The following CNTNAP2 variants were observed in gnomAD, a reference collection of about 807,000 sequenced individuals.
The protein encoded by CNTNAP2 is contactin-associated protein-like 2.
CNTNAP2 carries 98 observed loss-of-function variants against 155.2 expected under a neutral mutation model. The ratio of observed to expected loss-of-function variants is 0.63; its 90% confidence interval spans 0.54 to 0.75. The LOEUF is 0.75. CNTNAP2 is among the 30% of genes least tolerant of loss of function. The pLI, the probability that CNTNAP2 is intolerant of heterozygous loss-of-function variation, is 0.00. For synonymous variants in CNTNAP2, 651 were observed against 631.2 expected (o/e 1.03, Z -0.47); for missense variants, 1,727 against 1,688.1 (o/e 1.02, Z -0.40).
At chr7:147,501,857 A>G (rs1798819880) in intron 11 of CNTNAP2, among the ~76,000 whole-genome samples, 1 of 152,226 alleles carries the variant, frequency 6.6e-6, no homozygotes, top group Admixed American at 6.5e-5. Context: ...ATTAGAATTA[A>G]CAAGCAAATT....
chr7:146,543,433 G>A (rs1054748810), intron 1 of CNTNAP2, among the ~76,000 whole-genome samples: 3 of 151,686 alleles, frequency 2.0e-5, no homozygotes, highest in African/African-American at 7.3e-5. Context: ...CCTCCCATAA[G>A]TAAGGATTGT....
intron 9 of CNTNAP2, among the ~76,000 whole-genome samples, chr7:147,338,594 C>A (rs1459007551): frequency 6.6e-6 from 1 of 152,024 alleles, no homozygotes. Context: ...CACCATACTC[C>A]TTTTCAAATT....
intron 11 of CNTNAP2, among the ~76,000 whole-genome samples, chr7:147,508,963 T>C (rs1206713680): frequency 6.6e-6 from 1 of 152,210 alleles, no homozygotes; most frequent in African/African-American, 2.4e-5. Flanking sequence ...TTAATAAATC[T>C]CCAAAGTTGT....
intron 1 of CNTNAP2, among the ~76,000 whole-genome samples, chr7:146,586,576 G>A (rs1378400288): frequency 6.6e-6 from 1 of 151,218 alleles, no homozygotes. Flanking sequence ...GTTTGTTAGG[G>A]TTCACCAAAG....
chr7:148,418,019 T>A lies in CNTNAP2; in HGVS notation c.*2403T>A, dbSNP rs1800033342. 6.6e-6 allele frequency: 1 copy of A among 152,140 alleles called. No homozygotes were observed. The highest frequency in any genetic ancestry group is 2.4e-5 in the African/African-American group (1 of 41,422). The allele number at this position is 152,140 out of a possible 1,614,324, so 9.4% of individuals were successfully genotyped here. On this transcript the variant is annotated 3_prime_UTR_variant, in exon 24 of 24. Coordinates refer to ENST00000361727, the MANE Select transcript of CNTNAP2 (RefSeq NM_014141.6). The stretch of plus-strand genomic sequence containing the variant: ...CCATATCACCATCAATTAAGACATA[T>A]AGGACACTGTCTTCCTTCAAGAGGG...
chr7:147,158,329 G>A (rs955513310), intron 8 of CNTNAP2, among the ~76,000 whole-genome samples: 1 of 151,904 alleles, frequency 6.6e-6, no homozygotes, highest in African/African-American at 2.4e-5. Context: ...CACCTTTAAT[G>A]TTTTTATAAA....
intron 14 of CNTNAP2, among the ~76,000 whole-genome samples, chr7:147,957,028 C>T (rs1270686923): frequency 6.6e-6 from 1 of 152,174 alleles, no homozygotes; most frequent in Non-Finnish European, 1.5e-5. Flanking sequence ...GGTAAAATAA[C>T]ATCTGGCATT....
intron 1 of CNTNAP2, among the ~76,000 whole-genome samples, chr7:146,229,747 C>A (rs1799354739): frequency 6.6e-6 from 1 of 151,678 alleles, no homozygotes; most frequent in Non-Finnish European, 1.5e-5. Flanking sequence ...TTAAAAAAAT[C>A]TCAATTTAGA....
intron 10 of CNTNAP2, among the ~76,000 whole-genome samples, chr7:147,452,743 T>C (rs1475048062): frequency 6.6e-6 from 1 of 152,132 alleles, no homozygotes; most frequent in Admixed American, 6.6e-5. Context: ...TGCTAGATTA[T>C]GGTGGGGATC....
intron 1 of CNTNAP2, among the ~76,000 whole-genome samples, chr7:146,259,583 A>G (rs1348654617): frequency 6.6e-6 from 1 of 152,124 alleles, no homozygotes; most frequent in East Asian, 1.9e-4. Context: ...CCTGCCCTAG[A>G]GCTCTGTGGA....
intron 15 of CNTNAP2, among the ~76,000 whole-genome samples, chr7:148,073,248 G>A (rs1803415765): frequency 6.6e-6 from 1 of 152,180 alleles, no homozygotes; most frequent in Non-Finnish European, 1.5e-5. Flanking sequence ...TGTGTCACCT[G>A]AGAGATAGCC....
At chr7:146,919,041 T>C (rs949761018) in intron 3 of CNTNAP2, among the ~76,000 whole-genome samples, 1 of 152,196 alleles carries the variant, frequency 6.6e-6, no homozygotes, top group Non-Finnish European at 1.5e-5. Context: ...TGTGATTATA[T>C]TTTATTTTTT....
intron 1 of CNTNAP2, among the ~76,000 whole-genome samples, chr7:146,773,593 C>T (rs1312903160): frequency 6.6e-6 from 1 of 152,144 alleles, no homozygotes; most frequent in East Asian, 1.9e-4. Context: ...TGGGGTTTCT[C>T]CTGTTGGTCA....
chr7:146,740,301 T>A (rs1032885056), intron 1 of CNTNAP2, among the ~76,000 whole-genome samples: 23 of 151,724 alleles, frequency 1.5e-4, no homozygotes, highest in African/African-American at 2.9e-4. Context: ...TTTTTTTTTT[T>A]AATTTAATCC....
At chr7:146,904,039 A>G (rs1796063881) in intron 3 of CNTNAP2, among the ~76,000 whole-genome samples, 1 of 152,234 alleles carries the variant, frequency 6.6e-6, no homozygotes, top group Admixed American at 6.5e-5. Context: ...TATAAATTAG[A>G]TAACGTTAAT....
At chr7:147,898,532 C>CTT (rs34610190) in intron 13 of CNTNAP2, among the ~76,000 whole-genome samples, 66 of 150,376 alleles carry the variant, frequency 4.4e-4, no homozygotes, top group African/African-American at 1.2e-3. Context: ...ATTTTTTTTT[C>CTT]TTTTTTTTTG....
intron 1 of CNTNAP2, among the ~76,000 whole-genome samples, chr7:146,529,526 C>T (rs1013572898): frequency 2.0e-5 from 3 of 151,960 alleles, no homozygotes; most frequent in East Asian, 3.9e-4. Flanking sequence ...AACAAGCGAT[C>T]GGGAGAAAGA....
intron 8 of CNTNAP2, among the ~76,000 whole-genome samples, chr7:147,178,722 T>C (rs1802398119): frequency 1.3e-5 from 2 of 152,208 alleles, no homozygotes; most frequent in South Asian, 4.1e-4. Context: ...AAAGTGCCTT[T>C]GACCATATTT....
At chr7:146,659,003 C>A (rs930116788) in intron 1 of CNTNAP2, among the ~76,000 whole-genome samples, 1 of 152,184 alleles carries the variant, frequency 6.6e-6, no homozygotes, top group Non-Finnish European at 1.5e-5. Flanking sequence ...GACACCGCAG[C>A]CACTAAGGCT....
Sources: allele counts gnomAD v4.1 joint callset (sites outside exome capture counted in the v4.1 genomes callset), GRCh38; gene constraint gnomAD v4.1.1; transcripts MANE v1.5; gene names NCBI Gene and HGNC (gene_info 2026-07-23, HGNC 2026-07-21).